The following EVC variants were observed in gnomAD, a reference collection of about 807,000 sequenced individuals.
The protein encoded by EVC is evC complex member EVC.
In EVC, 116 loss-of-function variants were observed where a neutral mutation model predicts 118.9. That is an observed-to-expected ratio of 0.98 (90% CI 0.84 to 1.14). The LOEUF is 1.14. EVC is among the 50% of genes most tolerant of loss of function. EVC has a pLI of 0.00. For synonymous variants in EVC, 619 were observed against 534.7 expected (o/e 1.16, Z -2.18); for missense variants, 1,401 against 1,246.4 (o/e 1.12, Z -1.87).
chr4:5,716,340 A>T (rs1723958930), intron 1 of EVC, among the ~76,000 whole-genome samples: 1 of 152,234 alleles, frequency 6.6e-6, no homozygotes, highest in Non-Finnish European at 1.5e-5. Context: ...CTTGAAGTGG[A>T]GGCTTGCAGG....
At chr4:5,745,757 C>G (rs1729275814) in intron 7 of EVC, among the ~76,000 whole-genome samples, 1 of 152,186 alleles carries the variant, frequency 6.6e-6, no homozygotes, top group Admixed American at 6.5e-5. Flanking sequence ...TCCACCACCC[C>G]CTGTTCATAT....
the EVC span, among the ~76,000 whole-genome samples, chr4:5,827,660 A>T: frequency 6.6e-6 from 1 of 151,900 alleles, no homozygotes; most frequent in Non-Finnish European, 1.5e-5. Context: ...ACATCCCCAT[A>T]TGCACACATA....
At chr4:5,790,979 C>T (rs1489715869) in intron 12 of EVC, among the ~76,000 whole-genome samples, 1 of 152,038 alleles carries the variant, frequency 6.6e-6, no homozygotes, top group Non-Finnish European at 1.5e-5. Context: ...CCTGTAATCC[C>T]AGCTACTCCA....
At position 5,765,159 on chromosome 4, in the gene EVC, TATCCAGTAGTC is replaced by T. The variant is rs1468193585; in HGVS notation, c.1563+8800_1563+8810del. On this transcript the variant is annotated intron_variant, in intron 11 of 20. Transcript: ENST00000264956. ...TTATTTCTGCCTTCATTTTGTTATG[TATCCAGTAGTC>T]ATTCAGGAGCAGGTTGTTCAGTTTC... Among the ~76,000 whole-genome samples, 4 of 118,222 alleles carry T rather than the reference TATCCAGTAGTC, an allele frequency of 3.4e-5. 1 individual carries two copies. Among genetic ancestry groups the T allele is most frequent in the Non-Finnish European group, 7.3e-5 (4 of 54,574 alleles). 77.6% of individuals were successfully genotyped at this position (118,222 alleles called of 152,430 possible). A position where few individuals can be genotyped will look rare whatever the true frequency, so the allele number is the denominator to read the frequency against.
At chr4:5,767,624 C>G (rs188407096) in intron 11 of EVC, among the ~76,000 whole-genome samples, 20 of 151,866 alleles carry the variant, frequency 1.3e-4, no homozygotes, top group Non-Finnish European at 2.6e-4. Context: ...TTAAGCCCGT[C>G]GGAAAAGCAC....
Position 5,746,399 on chromosome 4 carries a change from G to A in EVC, c.939+1058G>A, listed in dbSNP as rs532906463. Among the ~76,000 whole-genome samples the A allele has an allele frequency of 6.6e-6, 1 of 152,278 alleles. No homozygotes were observed. The highest frequency in any genetic ancestry group is 1.5e-5 in the Non-Finnish European group (1 of 68,020). ...CTACCATGGGGCGGCAGGTGGGGAGGAGGAGGGGGTCCAGGGTCAGTGCTG... is the reference window on the plus strand; with the variant it reads ...CTACCATGGGGCGGCAGGTGGGGAGAAGGAGGGGGTCCAGGGTCAGTGCTG... On this transcript the variant is annotated intron_variant, in intron 7 of 20. Transcript: ENST00000264956. The surrounding 1 kb of genome is among the most constrained non-coding windows in gnomAD (Gnocchi z 5.8).
chr4:5,780,228 C>G (rs1273182415), intron 11 of EVC, among the ~76,000 whole-genome samples: 1 of 152,192 alleles, frequency 6.6e-6, no homozygotes, highest in Non-Finnish European at 1.5e-5. Context: ...AGCTTATCCA[C>G]CATGATTTGA....
the EVC span, among the ~76,000 whole-genome samples, chr4:5,822,290 G>A: frequency 6.6e-6 from 1 of 152,210 alleles, no homozygotes; most frequent in Admixed American, 6.5e-5. Flanking sequence ...CGGGACACAG[G>A]TGTTGGGTGG....
chr4:5,734,194 A>G (rs903376170), intron 5 of EVC, among the ~76,000 whole-genome samples: 2 of 152,132 alleles, frequency 1.3e-5, no homozygotes, highest in Non-Finnish European at 2.9e-5. Flanking sequence ...AAAAAGTGTT[A>G]TTTCTCCATA....
rs1728896786 is a variant in EVC, at chr4:5,743,372, TATTC to T, written c.801+1561_801+1564del. Among the ~76,000 whole-genome samples, 1 of 152,202 alleles carries T rather than the reference TATTC, an allele frequency of 6.6e-6. No homozygotes were observed. The highest frequency in any genetic ancestry group is 2.4e-5 in the African/African-American group (1 of 41,448). On this transcript the variant is annotated intron_variant, in intron 6 of 20. Transcript: ENST00000264956. This position sits in a 1 kb window ranked among gnomAD's most constrained non-coding sequence, Gnocchi z 4.7. ...CTCGTTACTACTATCACCAGCCTCT[TATTC>T]ATCATCCCCTGCCATCATTTTCATT...
chr4:5,814,719 C>A (rs544114290), downstream of EVC, among the ~76,000 whole-genome samples: 172 of 152,160 alleles, frequency 1.1e-3, 1 homozygote, highest in Middle Eastern at 0.01. Context: ...CTGCCCCCCA[C>A]TGGGCCTTTG....
intron 9 of EVC, among the ~76,000 whole-genome samples, chr4:5,753,458 C>T (rs902895655): frequency 1.3e-5 from 2 of 151,982 alleles, no homozygotes; most frequent in African/African-American, 2.4e-5. Flanking sequence ...CCCTGCTCAG[C>T]GGCAGAGTGG....
chr4:5,768,341 G>T (rs538486541), intron 11 of EVC, among the ~76,000 whole-genome samples: 1 of 152,280 alleles, frequency 6.6e-6, no homozygotes, highest in South Asian at 2.1e-4. Context: ...AGAGGCAGAA[G>T]CAGGGAGCCC....
Position 5,731,275 on chromosome 4 carries a change from A to G in EVC, c.385-150A>G, listed in dbSNP as rs1577360812. The G allele has an allele frequency of 5.3e-6, 4 of 756,766 alleles. No homozygotes were observed. The South Asian group carries it at 5.8e-5, about 11-fold the overall frequency. The allele number at this position is 756,766 out of a possible 1,614,324, so 46.9% of individuals were successfully genotyped here. On this transcript the variant is annotated intron_variant, in intron 3 of 20. Transcript: ENST00000264956. This position sits in a 1 kb window ranked among gnomAD's most constrained non-coding sequence, Gnocchi z 5.6. Reference sequence around the variant, plus strand: ...CGATGTGGCAGAACCTGGGACGGAAACTCTGTGGTGTCTGCTGGCACCCTG... The same window carrying G: ...CGATGTGGCAGAACCTGGGACGGAAGCTCTGTGGTGTCTGCTGGCACCCTG...
In EVC at chr4:5,749,112, A is replaced by G. The variant is rs954175459; in HGVS notation, c.1098+806A>G. Among the ~76,000 whole-genome samples the G allele has an allele frequency of 7.9e-5, 12 of 152,012 alleles. No individual in the cohort carries two copies. Among genetic ancestry groups the G allele is most frequent in the African/African-American group, 2.2e-4 (9 of 41,390 alleles). ...GTTTTGCCTGCAGAGTTCTTTAACA[A>G]TGCCTTTTCCTGGCCTTCACTCTGA... is the stretch of plus-strand genomic sequence containing the variant. On this transcript the variant is annotated intron_variant, in intron 8 of 20. Coordinates refer to ENST00000264956, the MANE Select transcript of EVC (RefSeq NM_153717.3). The surrounding 1 kb of genome is among the most constrained non-coding windows in gnomAD (Gnocchi z 4.4).
intron 11 of EVC, among the ~76,000 whole-genome samples, chr4:5,780,954 G>T (rs1577552420): frequency 6.6e-6 from 1 of 152,344 alleles, no homozygotes; most frequent in Non-Finnish European, 1.5e-5. Context: ...TAATTCACAT[G>T]AGTTGTGGCA....
Position 5,731,618 on chromosome 4 carries a change from T to TCCGGGTGAACGCCTTCCC in EVC, c.579_596dup (p.Arg194_Pro199dup), listed in dbSNP as rs780341971. 9 of 1,614,072 alleles carry TCCGGGTGAACGCCTTCCC rather than the reference T, an allele frequency of 5.6e-6. No homozygotes were observed. Among genetic ancestry groups the TCCGGGTGAACGCCTTCCC allele is most frequent in the Non-Finnish European group, 7.6e-6 (9 of 1,180,020 alleles). On this transcript the variant is annotated inframe_insertion, in exon 4 of 21. Coordinates refer to ENST00000264956, the MANE Select transcript of EVC (RefSeq NM_153717.3). The surrounding 1 kb of genome is among the most constrained non-coding windows in gnomAD (Gnocchi z 5.6). ...GACAGGTTTCTCAGCCGCACCTTCC[T>TCCGGGTGAACGCCTTCCC]CCGGGTGAACGCCTTCCCTGAAGTG...
At position 5,749,087 on chromosome 4, in the gene EVC, G is replaced by A. The variant is rs1448766088; in HGVS notation, c.1098+781G>A. On this transcript the variant is annotated intron_variant, in intron 8 of 20. Coordinates refer to ENST00000264956, the MANE Select transcript of EVC (RefSeq NM_153717.3). This position sits in a 1 kb window ranked among gnomAD's most constrained non-coding sequence, Gnocchi z 4.4. ...ATTGATTGACTTTCCTGATTGCCCTGTTTTGCCTGCAGAGTTCTTTAACAA... is the reference window on the plus strand; with the variant it reads ...ATTGATTGACTTTCCTGATTGCCCTATTTTGCCTGCAGAGTTCTTTAACAA... Among the ~76,000 whole-genome samples the A allele has an allele frequency of 6.6e-6, 1 of 151,980 alleles. No homozygotes were observed. Among genetic ancestry groups the A allele is most frequent in the Non-Finnish European group, 1.5e-5 (1 of 68,004 alleles).
At chr4:5,824,088 CATT>C in the EVC span, among the ~76,000 whole-genome samples, 1 of 152,120 alleles carries the variant, frequency 6.6e-6, no homozygotes, top group Non-Finnish European at 1.5e-5. Context: ...CTTTTAACTT[CATT>C]GTTATTCTTG....
Sources: allele counts gnomAD v4.1 joint callset (sites outside exome capture counted in the v4.1 genomes callset), GRCh38; gene constraint gnomAD v4.1.1; non-coding constraint Gnocchi (gnomAD v3.1); transcripts MANE v1.5; gene names NCBI Gene and HGNC (gene_info 2026-07-23, HGNC 2026-07-21).